FAM135B: variants seen among roughly 807,000 people sequenced by gnomAD.
FAM135B encodes protein FAM135B.
A neutral mutation model predicts 127.7 loss-of-function variants in FAM135B; 43 were observed. The ratio of observed to expected loss-of-function variants is 0.34; its 90% confidence interval spans 0.26 to 0.43. The LOEUF is 0.43. Ranked by LOEUF, FAM135B falls within the 20% of genes least tolerant of loss-of-function variation. The probability of loss-of-function intolerance (pLI) is 1.00; values close to 1 mark genes in which losing one functional copy is unlikely to be tolerated. For missense variants in FAM135B, 1,558 were observed against 1,725.6 expected (o/e 0.90, Z 1.72); for synonymous variants, 670 against 665.1 (o/e 1.01, Z -0.11).
chr8:138,432,047 T>G (rs114686995), intron 1 of FAM135B, among the ~76,000 whole-genome samples: 4,074 of 152,296 alleles, frequency 0.027, 167 homozygotes, highest in African/African-American at 0.091. Context: ...CCAGCACAAC[T>G]GGCTAATACC....
intron 1 of FAM135B, among the ~76,000 whole-genome samples, chr8:138,435,269 C>T (rs1018887341): frequency 6.6e-6 from 1 of 151,926 alleles, no homozygotes; most frequent in African/African-American, 2.4e-5. Flanking sequence ...TGCACTACAG[C>T]CTGGGTGACA....
At chr8:138,238,557 T>C (rs1378766863) in intron 7 of FAM135B, among the ~76,000 whole-genome samples, 1 of 152,194 alleles carries the variant, frequency 6.6e-6, no homozygotes, top group Non-Finnish European at 1.5e-5. Context: ...TCAGCAACCC[T>C]TACCTCCCTG....
chr8:138,163,393 A>C (rs935433388), intron 12 of FAM135B, among the ~76,000 whole-genome samples: 2 of 152,136 alleles, frequency 1.3e-5, no homozygotes, highest in Non-Finnish European at 2.9e-5. Context: ...GGCACATGGC[A>C]CATGTTTAGG....
At chr8:138,386,634 T>C (rs1304146824) in intron 1 of FAM135B, among the ~76,000 whole-genome samples, 1 of 152,252 alleles carries the variant, frequency 6.6e-6, no homozygotes, top group Non-Finnish European at 1.5e-5. Context: ...TATTAATCTT[T>C]ATAAAATGAC....
At chr8:138,221,203 TTC>T (rs1818999973) in intron 7 of FAM135B, among the ~76,000 whole-genome samples, 1 of 152,164 alleles carries the variant, frequency 6.6e-6, no homozygotes, top group Non-Finnish European at 1.5e-5. Flanking sequence ...GCATACTGGC[TTC>T]TGTTTCTGGG....
intron 2 of FAM135B, among the ~76,000 whole-genome samples, chr8:138,329,624 A>T (rs1587110582): frequency 6.6e-6 from 1 of 151,974 alleles, no homozygotes; most frequent in East Asian, 1.9e-4. Flanking sequence ...TCTTTGCAGA[A>T]CTCCTCACTG....
intron 2 of FAM135B, among the ~76,000 whole-genome samples, chr8:138,336,406 A>G (rs1326408537): frequency 6.6e-6 from 1 of 152,196 alleles, no homozygotes; most frequent in Non-Finnish European, 1.5e-5. Flanking sequence ...TAGACGCAAT[A>G]AAAAATAACA....
chr8:138,149,237 T>C (rs1817922513), intron 13 of FAM135B, among the ~76,000 whole-genome samples: 1 of 152,100 alleles, frequency 6.6e-6, no homozygotes. Context: ...GATGCTTATG[T>C]GATTCCTGCA....
intron 1 of FAM135B, among the ~76,000 whole-genome samples, chr8:138,420,529 C>T (rs1834431251): frequency 2.0e-5 from 3 of 151,950 alleles, no homozygotes; most frequent in South Asian, 4.2e-4. Flanking sequence ...ATTAATAACA[C>T]CAAAACTGGG....
intron 4 of FAM135B, among the ~76,000 whole-genome samples, chr8:138,263,335 C>G (rs1404393761): frequency 1.3e-5 from 2 of 152,028 alleles, no homozygotes; most frequent in Non-Finnish European, 2.9e-5. Context: ...AGGGAAGGAG[C>G]CTGGGGAGTG....
chr8:138,210,927 A>G (rs183059328), intron 7 of FAM135B, among the ~76,000 whole-genome samples: 1 of 152,246 alleles, frequency 6.6e-6, no homozygotes, highest in East Asian at 1.9e-4. Context: ...TCAGAATCAT[A>G]TTCAGTGTGG....
chr8:138,144,523 T>C (rs1297668944), intron 15 of FAM135B: 1 of 152,206 alleles, frequency 6.6e-6, no homozygotes, highest in African/African-American at 2.4e-5. Flanking sequence ...ATATACATTA[T>C]TTAAACAAGT....
chr8:138,495,844 C>G lies in FAM135B; in HGVS notation c.-20+827G>C, dbSNP rs186851672. On this transcript the variant is annotated intron_variant, in intron 1 of 19. Transcript: ENST00000395297. ...ATCATAACCTGATGGAAAACAATGC[C>G]CCCTGGTTCAAATGGACAACTGAAG... is the stretch of plus-strand genomic sequence containing the variant. 2.6e-5 allele frequency among the ~76,000 whole-genome samples: 4 copies of G among 152,210 alleles called. No homozygotes were observed. The East Asian group carries it at 7.7e-4, about 29-fold the overall frequency.
chr8:138,482,985 C>T lies in FAM135B; in HGVS notation c.-20+13686G>A, dbSNP rs556205202. On this transcript the variant is annotated intron_variant, in intron 1 of 19. Transcript: ENST00000395297. ...TGACTCCATAAGCCACATTTTTCTA[C>T]AAAACCTGTGCCAATATAGTACCTA... Among the ~76,000 whole-genome samples the T allele has an allele frequency of 5.9e-5, 9 of 152,168 alleles. 1 individual carries two copies. Among genetic ancestry groups the T allele is most frequent in the Admixed American group, 1.3e-4 (2 of 15,294 alleles).
intron 9 of FAM135B, among the ~76,000 whole-genome samples, chr8:138,192,984 AG>A (rs1218568105): frequency 6.6e-6 from 1 of 152,216 alleles, no homozygotes; most frequent in Admixed American, 6.5e-5. Flanking sequence ...CACAGTGAGT[AG>A]GTAGAGAATT....
At chr8:138,308,418 G>T (rs915406216) in intron 3 of FAM135B, among the ~76,000 whole-genome samples, 1 of 152,136 alleles carries the variant, frequency 6.6e-6, no homozygotes, top group Admixed American at 6.5e-5. Flanking sequence ...ATAATGCAGC[G>T]GTCTCTAACC....
In FAM135B at chr8:138,132,806, G is replaced by T; in HGVS notation, c.4016-8C>A. The stretch of plus-strand genomic sequence containing the variant: ...TTTCTGCATAAACTGGCCCTGTAAA[G>T]TGGGGAAGAAGGACATGAAGCTGGT... On this transcript the variant is annotated splice_region_variant and splice_polypyrimidine_tract_variant and intron_variant, in intron 19 of 19. Transcript: ENST00000395297. The surrounding 1 kb of genome is among the most constrained non-coding windows in gnomAD (Gnocchi z 4.5). 1 of 1,613,556 alleles carries T rather than the reference G, an allele frequency of 6.2e-7. No homozygotes were observed. Among genetic ancestry groups the T allele is most frequent in the Non-Finnish European group, 8.5e-7 (1 of 1,179,522 alleles).
chr8:138,279,313 A>C (rs559696767), intron 3 of FAM135B, among the ~76,000 whole-genome samples: 2 of 152,318 alleles, frequency 1.3e-5, no homozygotes, highest in Admixed American at 6.5e-5. Context: ...GGCTTCTCCA[A>C]GACGGAAAAG....
chr8:138,397,167 G>A (rs1278459281), intron 1 of FAM135B, among the ~76,000 whole-genome samples: 2 of 152,304 alleles, frequency 1.3e-5, no homozygotes, highest in East Asian at 3.9e-4. Flanking sequence ...GCCTACGGAA[G>A]GCTGGGCTCC....
Sources: allele counts gnomAD v4.1 joint callset (sites outside exome capture counted in the v4.1 genomes callset), GRCh38; gene constraint gnomAD v4.1.1; non-coding constraint Gnocchi (gnomAD v3.1); transcripts MANE v1.5; gene names NCBI Gene and HGNC (gene_info 2026-07-23, HGNC 2026-07-21).